FOXP1: variants seen among roughly 807,000 people sequenced by gnomAD.
The protein encoded by FOXP1 is forkhead box protein P1.
Under a neutral mutation model 98.2 loss-of-function variants are expected in FOXP1, and 15 were observed. The ratio of observed to expected loss-of-function variants is 0.15; its 90% CI spans 0.10 to 0.24. FOXP1 has a LOEUF of 0.24. FOXP1 is among the 10% of genes least tolerant of loss of function. FOXP1 has a pLI of 1.00. For synonymous variants in FOXP1, 371 were observed against 314.5 expected (o/e 1.18, Z -1.90); for missense variants, 633 against 848.5 (o/e 0.75, Z 3.15).
chr3:71,073,068 A>G (rs895587301), intron 7 of FOXP1, among the ~76,000 whole-genome samples: 1 of 152,268 alleles, frequency 6.6e-6, no homozygotes, highest in East Asian at 1.9e-4. Flanking sequence ...TTCAGGTCAT[A>G]CAGAACTTCC....
At chr3:71,543,154 G>A (rs2045017559) in intron 2 of FOXP1, among the ~76,000 whole-genome samples, 1 of 152,136 alleles carries the variant, frequency 6.6e-6, no homozygotes, top group African/African-American at 2.4e-5. Flanking sequence ...GGCGGCATGC[G>A]AATACCATCT....
chr3:70,996,382 T>C (rs1485149875), intron 13 of FOXP1, among the ~76,000 whole-genome samples: 1 of 152,218 alleles, frequency 6.6e-6, no homozygotes, highest in East Asian at 1.9e-4. Flanking sequence ...ATTGTCTTTA[T>C]TTCTGCCCAG....
At chr3:71,583,879 C>G, upstream of FOXP1, 1 of 985,482 alleles carries the variant, frequency 1.0e-6, no homozygotes, top group Non-Finnish European at 1.2e-6. Flanking sequence ...CCCTCTACCT[C>G]CCGCAGGGGT....
intron 5 of FOXP1, among the ~76,000 whole-genome samples, chr3:71,270,841 C>T (rs1264362292): frequency 1.3e-5 from 2 of 152,114 alleles, no homozygotes; most frequent in African/African-American, 4.8e-5. Flanking sequence ...TCTAAAGTGA[C>T]AAGGGGGGAA....
chr3:71,569,070 T>C (rs760358484), intron 2 of FOXP1, among the ~76,000 whole-genome samples: 1 of 152,244 alleles, frequency 6.6e-6, no homozygotes, highest in Non-Finnish European at 1.5e-5. Flanking sequence ...TCAAAAATTT[T>C]TATTTAATGC....
chr3:71,185,304 G>C (rs1460426729), intron 6 of FOXP1, among the ~76,000 whole-genome samples: 1 of 152,126 alleles, frequency 6.6e-6, no homozygotes, highest in Admixed American at 6.5e-5. Context: ...AGTAAGAAGG[G>C]AAAGAAGAAA....
chr3:71,431,719 G>T (rs1030730699), intron 3 of FOXP1, among the ~76,000 whole-genome samples: 3 of 152,102 alleles, frequency 2.0e-5, no homozygotes, highest in African/African-American at 4.8e-5. Context: ...CATTTCACAG[G>T]CAACAAAACA....
intron 2 of FOXP1, among the ~76,000 whole-genome samples, chr3:71,566,215 G>A (rs2046902981): frequency 6.6e-6 from 1 of 152,178 alleles, no homozygotes. Flanking sequence ...TGGCAAATGT[G>A]AGGTCCCTCT....
chr3:71,198,495 G>A (rs2108384472), intron 5 of FOXP1, 103 bp from the exon 6 acceptor site: 10 of 1,021,882 alleles, frequency 9.8e-6, no homozygotes, highest in Non-Finnish European at 1.5e-5. Context: ...TGGTTTAAAT[G>A]TTGCCAAAAT....
intron 20 of FOXP1, among the ~76,000 whole-genome samples, chr3:70,965,088 A>G (rs2034457036): frequency 6.6e-6 from 1 of 152,220 alleles, no homozygotes. Flanking sequence ...ACCTCACTAA[A>G]AGGGAGAGAC....
At chr3:71,564,648 T>C (rs185240025) in intron 2 of FOXP1, among the ~76,000 whole-genome samples, 141 of 152,312 alleles carry the variant, frequency 9.3e-4, no homozygotes, top group Non-Finnish European at 1.8e-3. Context: ...TGGCCAGTGA[T>C]GCAGGCTGAG....
At chr3:71,579,635 T>TTC (rs1385482923) in intron 2 of FOXP1, among the ~76,000 whole-genome samples, 7 of 147,352 alleles carry the variant, frequency 4.8e-5, no homozygotes, top group African/African-American at 1.5e-4. Flanking sequence ...CTTTTTTCTT[T>TTC]TTTTTTTTTT....
At chr3:71,035,749 C>A (rs1356664915) in intron 11 of FOXP1, among the ~76,000 whole-genome samples, 1 of 151,688 alleles carries the variant, frequency 6.6e-6, no homozygotes, top group Non-Finnish European at 1.5e-5. Flanking sequence ...AAAATAAATA[C>A]AAATTGTCCT....
At chr3:71,376,388 T>C (rs1204514378) in intron 3 of FOXP1, among the ~76,000 whole-genome samples, 2 of 152,208 alleles carry the variant, frequency 1.3e-5, no homozygotes, top group African/African-American at 4.8e-5. Context: ...CAATGATGTG[T>C]TTGCCTTAGT....
chr3:71,202,216 G>A lies in FOXP1; in HGVS notation c.-11-3824C>T, dbSNP rs933231223. 5.9e-5 allele frequency among the ~76,000 whole-genome samples: 9 copies of A among 152,362 alleles called. No individual in the cohort carries two copies. The East Asian group carries it at 1.5e-3, about 26-fold the overall frequency. ...GCAGCTTGGCTTGTGAATCAGGTTT[G>A]TGAGAGTGCAGGCTTTGGGACCAAA... On this transcript the variant is annotated intron_variant, in intron 5 of 20. Transcript: ENST00000649528.
intron 14 of FOXP1, among the ~76,000 whole-genome samples, chr3:70,985,026 G>A (rs951008322): frequency 2.0e-5 from 3 of 152,220 alleles, no homozygotes; most frequent in African/African-American, 7.2e-5. Flanking sequence ...ATGGCATTTA[G>A]TGAAAAGCAA....
At chr3:71,517,246 TC>T (rs1173392472) in intron 2 of FOXP1, among the ~76,000 whole-genome samples, 8 of 151,738 alleles carry the variant, frequency 5.3e-5, no homozygotes, top group Non-Finnish European at 1.2e-4. Context: ...TGACAACACA[TC>T]TGCAAGTCCA....
intron 4 of FOXP1, among the ~76,000 whole-genome samples, chr3:71,329,395 G>A (rs761636588): frequency 3.3e-5 from 5 of 151,706 alleles, no homozygotes; most frequent in Non-Finnish European, 5.9e-5. Flanking sequence ...TAATTTTTTT[G>A]TATTTTTAGT....
chr3:71,124,614 C>A, intron 6 of FOXP1, among the ~76,000 whole-genome samples: 3 of 146,234 alleles, frequency 2.1e-5, no homozygotes, highest in African/African-American at 2.5e-5. Context: ...TTTGTGGTTA[C>A]TTTAACTTGT....
Sources: allele counts gnomAD v4.1 joint callset (sites outside exome capture counted in the v4.1 genomes callset), GRCh38; gene constraint gnomAD v4.1.1; transcripts MANE v1.5; gene names NCBI Gene and HGNC (gene_info 2026-07-23, HGNC 2026-07-21).